The following NRXN2 variants were observed in gnomAD, a reference collection of about 807,000 sequenced individuals.
NRXN2 encodes neurexin 2.
A neutral mutation model predicts 128.8 loss-of-function variants in NRXN2; 29 were observed. The observed-to-expected ratio is 0.23, with a 90% CI of 0.17 to 0.31. The LOEUF is 0.31. Ranked by LOEUF, NRXN2 falls within the 10% of genes least tolerant of loss-of-function variation. The pLI is 1.00. For synonymous variants in NRXN2, 1,098 were observed against 1,075.2 expected, an observed-to-expected ratio of 1.02 and a Z score of -0.41; for missense variants, 1,881 against 2,452.6, an observed-to-expected ratio of 0.77 and a Z score of 4.92.
chr11:64,652,623 C>T (rs2047630248), intron 12 of NRXN2, among the ~76,000 whole-genome samples: 1 of 152,130 alleles, frequency 6.6e-6, no homozygotes, highest in Non-Finnish European at 1.5e-5. Context: ...TCACACAGTA[C>T]CCAAATGTAA....
rs199660225 is a variant in NRXN2 at position 64,667,399 on chromosome 11, C to T, written c.1649G>A (p.Arg550Gln). ...GGAGSHSSAQ[R>Q]ADYFAMELLD... ...TAGCTCCATGGCAAAGTAGTCGGCC[C>T]GCTGAGCAGAGCTGTGGCTGCCAGC... The change falls in exon 9 of 23, where the codon CGG becomes CAG. Residue 550 changes from arginine to glutamine, a missense_variant. By Grantham distance (43) the Arg-to-Gln change is conservative. Coordinates refer to ENST00000265459, the MANE Select transcript of NRXN2 (RefSeq NM_015080.4). This position sits in a 1 kb window ranked among gnomAD's most constrained non-coding sequence, Gnocchi z 5.6. The T allele has an allele frequency of 1.2e-5, 20 of 1,614,200 alleles. No homozygotes were observed. The highest frequency in any genetic ancestry group is 3.3e-4 in the Middle Eastern group (2 of 6,062).
chr11:64,653,827 T>C (rs188255917), intron 11 of NRXN2, 105 bp from the exon 12 acceptor site: 3 of 869,382 alleles, frequency 3.5e-6, no homozygotes, highest in South Asian at 1.6e-5. Context: ...GCGGGCGGGG[T>C]TCCCCCCAGG....
At position 64,667,382 on chromosome 11, in the gene NRXN2, T is replaced by A; in HGVS notation, c.1666A>T (p.Met556Leu). ...SSAQRADYFA[M>L]ELLDGHLYLL... is the part of the protein sequence containing the mutation. ...TAGAGGTGGCCGTCCAATAGCTCCA[T>A]GGCAAAGTAGTCGGCCCGCTGAGCA... The change falls in exon 9 of 23, where the codon ATG becomes TTG. Residue 556 changes from methionine (M) to leucine (L), a missense_variant. By Grantham distance (15) the Met-to-Leu change is conservative. Coordinates refer to ENST00000265459, the MANE Select transcript of NRXN2 (RefSeq NM_015080.4). This position sits in a 1 kb window ranked among gnomAD's most constrained non-coding sequence, Gnocchi z 5.6. 6.2e-7 allele frequency: 1 copy of A among 1,614,144 alleles called. No individual in the cohort carries two copies.
chr11:64,624,060 G>C (rs2042745603), intron 20 of NRXN2: 1 of 152,046 alleles, frequency 6.6e-6, no homozygotes, highest in Non-Finnish European at 1.5e-5. Context: ...TTGTGGGAGG[G>C]AGGGGGTGGG....
At chr11:64,681,503 G>A (rs114656615) in intron 6 of NRXN2, among the ~76,000 whole-genome samples, 1 of 152,196 alleles carries the variant, frequency 6.6e-6, no homozygotes, top group Non-Finnish European at 1.5e-5. Flanking sequence ...TTTGAAGAAG[G>A]TGGCATTTAA....
At position 64,667,343 on chromosome 11, in the gene NRXN2, T is replaced by C. The variant is rs2050017350; in HGVS notation, c.1705A>G (p.Met569Val). ...CGCAGCTTGATGCCCCCAGATCCCA[T>C]GTCCAGCAGAAGATAGAGGTGGCCG... is the stretch of plus-strand genomic sequence containing the variant. Reference protein sequence around the residue: ...LDGHLYLLLDMGSGGIKLRAS... With the variant: ...LDGHLYLLLDVGSGGIKLRAS... The change falls in exon 9 of 23, where the codon ATG (methionine) becomes GTG (valine). Residue 569 changes from methionine to valine, a missense_variant. By Grantham distance (21) the Met-to-Val change is conservative. Coordinates refer to ENST00000265459, the MANE Select transcript of NRXN2 (RefSeq NM_015080.4). This position sits in a 1 kb window ranked among gnomAD's most constrained non-coding sequence, Gnocchi z 5.6. 1 of 1,614,196 alleles carries C rather than the reference T, an allele frequency of 6.2e-7. No homozygotes were observed. Among genetic ancestry groups the C allele is most frequent in the Non-Finnish European group, 8.5e-7 (1 of 1,180,044 alleles).
At position 64,652,405 on chromosome 11, in the gene NRXN2, G is replaced by C. The variant is rs565489909; in HGVS notation, c.2417-251C>G. On this transcript the variant is annotated intron_variant, in intron 12 of 22. Transcript: ENST00000265459. ...TACCCCAGTCATACATCCACTCTCA[G>C]GACTGCCCTTTGTGTGACTTTAGGA... Among the ~76,000 whole-genome samples, 11 of 152,194 alleles carry C rather than the reference G, an allele frequency of 7.2e-5. No individual in the cohort carries two copies. In the East Asian group the frequency reaches 2.1e-3, roughly 29 times the overall value.
At chr11:64,716,550 G>A (rs1211101564) in intron 1 of NRXN2, among the ~76,000 whole-genome samples, 1 of 152,008 alleles carries the variant, frequency 6.6e-6, no homozygotes, top group Non-Finnish European at 1.5e-5. Flanking sequence ...CGTGTGGAGG[G>A]AGAGTGGGAG....
chr11:64,661,430 G>A, intron 9 of NRXN2: 2 of 1,329,072 alleles, frequency 1.5e-6, no homozygotes, highest in South Asian at 1.6e-5. Context: ...AGTCCTCAGA[G>A]GATAGGCAGG....
Position 64,623,111 on chromosome 11 carries a change from G to A in NRXN2, c.3848-33C>T, listed in dbSNP as rs1429121454. ...GAGTGGAAGGGGGTGACAGAGAAGGGGCAGGCAGTGAGGGGAGACCAGGAA... is the reference window on the plus strand; with the variant it reads ...GAGTGGAAGGGGGTGACAGAGAAGGAGCAGGCAGTGAGGGGAGACCAGGAA... On this transcript the variant is annotated intron_variant, in intron 20 of 22. Transcript: ENST00000265459. This position sits in a 1 kb window ranked among gnomAD's most constrained non-coding sequence, Gnocchi z 4.9. 7 of 1,576,870 alleles carry A rather than the reference G, an allele frequency of 4.4e-6. No individual in the cohort carries two copies. In the African/African-American group the frequency reaches 8.1e-5, roughly 18 times the overall value.
At chr11:64,643,957 G>T (rs1013228154) in intron 17 of NRXN2, among the ~76,000 whole-genome samples, 8 of 123,336 alleles carry the variant, frequency 6.5e-5, no homozygotes, top group African/African-American at 2.5e-4. Context: ...ACCACCCCTC[G>T]CAACGCACGT....
Position 64,713,033 on chromosome 11 carries a change from C to T in NRXN2, c.667G>A (p.Ala223Thr), listed in dbSNP as rs760290033. 1.1e-4 allele frequency: 162 copies of T among 1,458,780 alleles called. 1 individual carries two copies. The African/African-American group carries it at 1.9e-3, about 17-fold the overall frequency. 90.4% of individuals were successfully genotyped at this position (1,458,780 alleles called of 1,614,324 possible). The change falls in exon 2 of 23, where the codon GCC becomes ACC. Residue 223 changes from alanine to threonine, a missense_variant. Ala to Thr is a moderately conservative substitution (Grantham distance 58). Transcript: ENST00000265459. Reference sequence around the variant, plus strand: ...CAGTCGCAGCCCACCTCGCCGGGGGCCAGCACGGTGCAGAGGCCGCCGTTG... The same window carrying T: ...CAGTCGCAGCCCACCTCGCCGGGGGTCAGCACGGTGCAGAGGCCGCCGTTG... ...CANGGLCTVL[A>T]PGEVGCDCSH...
At chr11:64,638,327 T>C (rs1353885480) in intron 17 of NRXN2, among the ~76,000 whole-genome samples, 3 of 152,120 alleles carry the variant, frequency 2.0e-5, no homozygotes, top group Non-Finnish European at 4.4e-5. Context: ...AGGTGAAGGA[T>C]GAATGGTTTA....
chr11:64,680,174 C>T (rs959923544), intron 6 of NRXN2, among the ~76,000 whole-genome samples: 2 of 152,112 alleles, frequency 1.3e-5, no homozygotes, highest in Non-Finnish European at 2.9e-5. Flanking sequence ...AGGAGAGCCT[C>T]GGGACAAAAC....
At chr11:64,684,075 G>C (rs2052675014) in intron 6 of NRXN2, among the ~76,000 whole-genome samples, 1 of 152,122 alleles carries the variant, frequency 6.6e-6, no homozygotes, top group South Asian at 2.1e-4. Flanking sequence ...GGAAGGGCAG[G>C]GACCATGTCT....
chr11:64,667,654 A>G lies in NRXN2; in HGVS notation c.1394T>C (p.Leu465Pro). 6.2e-7 allele frequency: 1 copy of G among 1,614,190 alleles called. No individual in the cohort carries two copies. The highest frequency in any genetic ancestry group is 8.5e-7 in the Non-Finnish European group (1 of 1,180,036). Residue 465 changes from leucine to proline, a missense_variant, in exon 9 of 23, where the codon CTA becomes CCA. By Grantham distance (98) the Leu-to-Pro change is moderately conservative (BLOSUM62 -3). This residue lies in a region of NRXN2 where 997 missense variants were observed against 1,240.8 expected (regional missense o/e 0.80). Coordinates refer to ENST00000265459, the MANE Select transcript of NRXN2 (RefSeq NM_015080.4). This position sits in a 1 kb window ranked among gnomAD's most constrained non-coding sequence, Gnocchi z 5.6. ...VYKNNDFKLE[L>P]SRLAKEGDPK... ...GTCCCCTTCCTTTGCCAGGCGGGAT[A>G]GTTCCAATTTGAAGTCATTGTTCTT...
intron 17 of NRXN2, chr11:64,643,150 G>A: frequency 7.1e-6 from 7 of 981,676 alleles, no homozygotes; most frequent in Non-Finnish European, 8.5e-6. Flanking sequence ...GGAGAGGGAG[G>A]GGAGCGCGGG....
At chr11:64,615,983 CGT>C (rs374263068) in intron 22 of NRXN2, among the ~76,000 whole-genome samples, 19 of 149,596 alleles carry the variant, frequency 1.3e-4, no homozygotes, top group Non-Finnish European at 1.6e-4. Flanking sequence ...AGCAGGTAAG[CGT>C]GTGTGTGTGT....
chr11:64,661,381 T>C, intron 9 of NRXN2: 1 of 1,421,474 alleles, frequency 7.0e-7, no homozygotes, highest in Non-Finnish European at 9.2e-7. Context: ...TGCAGAATGC[T>C]GTGGGCCTCT....
Sources: allele counts gnomAD v4.1 joint callset (sites outside exome capture counted in the v4.1 genomes callset), GRCh38; gene constraint gnomAD v4.1.1; regional missense constraint gnomAD v4.1.1; non-coding constraint Gnocchi (gnomAD v3.1); transcripts MANE v1.5; gene names NCBI Gene and HGNC (gene_info 2026-07-23, HGNC 2026-07-21).